Variants in PLA2G5 observed in about 807,000 individuals in gnomAD.
PLA2G5 encodes the protein phospholipase A2 group V.
In PLA2G5, 12 loss-of-function variants were observed where a neutral mutation model predicts 15.9. The observed-to-expected ratio is 0.76, with a 90% CI of 0.48 to 1.23. The LOEUF (loss-of-function observed/expected upper bound fraction) is 1.23. PLA2G5 is among the 50% of genes most tolerant of loss of function. The pLI, the probability that PLA2G5 is intolerant of heterozygous loss-of-function variation, is 0.00. For missense variants in PLA2G5, 169 were observed against 177.1 expected (o/e 0.95, Z 0.26); for synonymous variants, 71 against 71.4 (o/e 0.99, Z 0.03).
chr1:20,044,268 A>G (rs2013775879), intron 1 of PLA2G5, among the ~76,000 whole-genome samples: 1 of 152,146 alleles, frequency 6.6e-6, no homozygotes, highest in Admixed American at 6.5e-5. Context: ...GTTTTTTCTC[A>G]CAGCAGAGGC....
chr1:20,050,779 A>G, intron 1 of PLA2G5, among the ~76,000 whole-genome samples: 1 of 152,142 alleles, frequency 6.6e-6, no homozygotes, highest in East Asian at 1.9e-4. Flanking sequence ...ATGACTTCTG[A>G]TATCAAGTGT....
In PLA2G5 at chr1:20,084,871, G is replaced by A. The variant is rs775229205; in HGVS notation, c.40+1G>A. ...CCACTGGCTTGGTTCCTGGCTTGTA[G>A]TAAGTGCTGGCCCCGTGACCTTCGA... is the stretch of plus-strand genomic sequence containing the variant. On this transcript the variant is annotated splice_donor_variant, in intron 2 of 4. Coordinates refer to ENST00000375108, the MANE Select transcript of PLA2G5 (RefSeq NM_000929.3). LOFTEE classifies it high-confidence loss of function. 6 of 1,604,878 alleles carry A rather than the reference G, an allele frequency of 3.7e-6. No homozygotes were observed. The highest frequency in any genetic ancestry group is 5.1e-6 in the Non-Finnish European group (6 of 1,171,508).
chr1:20,071,735 T>C (rs1254688724), intron 1 of PLA2G5, among the ~76,000 whole-genome samples: 1 of 152,178 alleles, frequency 6.6e-6, no homozygotes, highest in Non-Finnish European at 1.5e-5. Flanking sequence ...TCCCCTAGGA[T>C]GTCCCCATAG....
At chr1:20,068,016 G>A (rs928130831), upstream of PLA2G5, among the ~76,000 whole-genome samples, 1 of 152,098 alleles carries the variant, frequency 6.6e-6, no homozygotes, top group Non-Finnish European at 1.5e-5. Flanking sequence ...CTTCTCCGGA[G>A]GCTAAGGCAG....
intron 1 of PLA2G5, among the ~76,000 whole-genome samples, chr1:20,080,379 C>T (rs961380270): frequency 5.3e-5 from 8 of 151,968 alleles, no homozygotes; most frequent in African/African-American, 1.5e-4. Context: ...GTCAGGAGTT[C>T]GAGACCAGCC....
intron 2 of PLA2G5, chr1:20,063,363 G>T (rs2014839453): frequency 6.6e-6 from 1 of 152,176 alleles, no homozygotes. Flanking sequence ...ATGGAGCCAG[G>T]ATCTTCTCCA....
In PLA2G5 at chr1:20,086,164, A is replaced by T; in HGVS notation, c.122A>T (p.Tyr41Phe). 6.2e-7 allele frequency: 1 copy of T among 1,614,070 alleles called. No individual in the cohort carries two copies. The highest frequency in any genetic ancestry group is 8.5e-7 in the Non-Finnish European group (1 of 1,179,990). Residue 41 changes from tyrosine to phenylalanine, a missense_variant, in exon 3 of 5, where the codon TAC becomes TTC. Transcript: ENST00000375108. Reference protein sequence around the residue: ...KVTGKNALTNYGFYGCYCGWG... With the variant: ...KVTGKNALTNFGFYGCYCGWG... ...ACAGGGAAGAACGCCCTGACAAACTACGGCTTCTACGGCTGTTACTGCGGC... is the reference window on the plus strand; with the variant it reads ...ACAGGGAAGAACGCCCTGACAAACTTCGGCTTCTACGGCTGTTACTGCGGC...
At chr1:20,055,718 C>T (rs1296725044) in intron 1 of PLA2G5, among the ~76,000 whole-genome samples, 1 of 152,178 alleles carries the variant, frequency 6.6e-6, no homozygotes, top group Non-Finnish European at 1.5e-5. Context: ...CTCACTCTGT[C>T]TTTTAGATTT....
chr1:20,081,450 C>T (rs2016019853), intron 1 of PLA2G5, among the ~76,000 whole-genome samples: 2 of 152,082 alleles, frequency 1.3e-5, no homozygotes, highest in South Asian at 4.1e-4. Context: ...AGGCGTGCTT[C>T]CACCCAGGGC....
chr1:20,086,659 C>T (rs947749545), intron 3 of PLA2G5, among the ~76,000 whole-genome samples: 2 of 152,182 alleles, frequency 1.3e-5, no homozygotes, highest in African/African-American at 2.4e-5. Context: ...CAAGGATGTT[C>T]GGGATTCCTC....
At chr1:20,087,560 G>A (rs1269156263) in intron 3 of PLA2G5, among the ~76,000 whole-genome samples, 1 of 151,852 alleles carries the variant, frequency 6.6e-6, no homozygotes, top group Non-Finnish European at 1.5e-5. Flanking sequence ...TGGGCAAATA[G>A]AAACATTCTT....
intron 1 of PLA2G5, among the ~76,000 whole-genome samples, chr1:20,046,298 C>T (rs1224928752): frequency 1.3e-5 from 2 of 152,100 alleles, no homozygotes; most frequent in Non-Finnish European, 1.5e-5. Context: ...CCAACTCTAC[C>T]TGACTTGGTT....
intron 1 of PLA2G5, among the ~76,000 whole-genome samples, chr1:20,039,493 G>T (rs567786029): frequency 9.8e-5 from 15 of 152,294 alleles, no homozygotes; most frequent in African/African-American, 3.6e-4. Context: ...TTGTTGCAAA[G>T]AATCAATGTC....
intron 1 of PLA2G5, among the ~76,000 whole-genome samples, chr1:20,043,673 C>A (rs914581523): frequency 6.6e-6 from 1 of 152,026 alleles, no homozygotes; most frequent in African/African-American, 2.4e-5. Flanking sequence ...GGGAACAGGG[C>A]AGGTAGGGAT....
At chr1:20,078,089 C>T (rs1011959062) in intron 1 of PLA2G5, among the ~76,000 whole-genome samples, 7 of 152,076 alleles carry the variant, frequency 4.6e-5, no homozygotes, top group Non-Finnish European at 8.8e-5. Flanking sequence ...GGAGGGCAGG[C>T]GGCACAGTGC....
chr1:20,080,794 G>C (rs955529387), intron 1 of PLA2G5, among the ~76,000 whole-genome samples: 1 of 151,848 alleles, frequency 6.6e-6, no homozygotes, highest in African/African-American at 2.4e-5. Context: ...CGGAGAAAAG[G>C]TCTCACTGGT....
chr1:20,034,413 A>G (rs942455550), intron 1 of PLA2G5, among the ~76,000 whole-genome samples: 1 of 152,202 alleles, frequency 6.6e-6, no homozygotes, highest in African/African-American at 2.4e-5. Context: ...TGTGGTAGAT[A>G]GGGGAATATG....
In PLA2G5 at chr1:20,090,997, G is replaced by A. The variant is rs538257858; in HGVS notation, c.*305G>A. The A allele has an allele frequency of 1.6e-4, 44 of 280,816 alleles. No homozygotes were observed. The highest frequency in any genetic ancestry group is 6.0e-4 in the South Asian group (7 of 11,686). 17.4% of individuals were successfully genotyped at this position (280,816 alleles called of 1,614,324 possible). On this transcript the variant is annotated 3_prime_UTR_variant, in exon 5 of 5. Coordinates refer to ENST00000375108, the MANE Select transcript of PLA2G5 (RefSeq NM_000929.3). ...GTCTCTTTTCTTCTCTGAAGACAGC[G>A]TCCTGGCTCCAGTTGGAACACTTTC... is the stretch of plus-strand genomic sequence containing the variant.
chr1:20,050,860 A>G (rs1557730698), intron 1 of PLA2G5, among the ~76,000 whole-genome samples: 1 of 149,116 alleles, frequency 6.7e-6, no homozygotes, highest in Non-Finnish European at 1.5e-5. Flanking sequence ...GACCTAATTA[A>G]TTCTTTAAGA....
Sources: allele counts gnomAD v4.1 joint callset (sites outside exome capture counted in the v4.1 genomes callset), GRCh38; gene constraint gnomAD v4.1.1; transcripts MANE v1.5; gene names NCBI Gene and HGNC (gene_info 2026-07-23, HGNC 2026-07-21).